CFHR5: variants seen among roughly 807,000 people sequenced by gnomAD.
The protein encoded by CFHR5 is complement factor H-related protein 5.
Under a neutral mutation model 62.9 loss-of-function variants are expected in CFHR5, and 73 were observed. The observed-to-expected ratio is 1.16, with a 90% confidence interval of 0.96 to 1.41. The LOEUF is 1.41. Ranked by LOEUF, CFHR5 falls within the 40% of genes most tolerant of loss-of-function variation. CFHR5 has a pLI of 0.00. For missense variants in CFHR5, 779 were observed against 679.9 expected (o/e 1.15, Z -1.62); for synonymous variants, 249 against 227.2 (o/e 1.10, Z -0.86).
chr1:197,007,612 A>G (rs1487210715), intron 9 of CFHR5, among the ~76,000 whole-genome samples: 1 of 149,712 alleles, frequency 6.7e-6, no homozygotes, highest in Non-Finnish European at 1.5e-5. Context: ...TAATATAAAT[A>G]TATTACATAT....
intron 8 of CFHR5, 38 bp downstream of exon 8, chr1:197,002,702 A>T: frequency 6.6e-7 from 1 of 1,516,036 alleles, no homozygotes; most frequent in Middle Eastern, 1.9e-4. Context: ...ACTTAAAAAG[A>T]GGTTATTAAT....
At chr1:196,976,889 C>G (rs1653408141), upstream of CFHR5, among the ~76,000 whole-genome samples, 1 of 146,318 alleles carries the variant, frequency 6.8e-6, no homozygotes, top group Non-Finnish European at 1.5e-5. Context: ...ACGGCAAGCT[C>G]TGCCTCCCGG....
intron 3 of CFHR5, among the ~76,000 whole-genome samples, chr1:196,987,249 T>A (rs1362534766): frequency 6.6e-6 from 1 of 152,244 alleles, no homozygotes; most frequent in East Asian, 1.9e-4. Flanking sequence ...TCTTTGTAGA[T>A]TCTGGCTATC....
chr1:196,996,101 A>C lies in CFHR5; in HGVS notation c.870A>C (p.Gly290=). The C allele has an allele frequency of 6.2e-7, 1 of 1,613,614 alleles. No homozygotes were observed. The highest frequency in any genetic ancestry group is 8.5e-7 in the Non-Finnish European group (1 of 1,179,576). ...CGTCTGTCCCTCCCTATCAACATGG[A>C]GTTTCAGTCGAGGTGAATTGCAGAA... ...VQPSVPPYQH[G]VSVEVNCRNE... Residue 290 remains glycine, a synonymous_variant, in exon 6 of 10, where the codon GGA becomes GGC. Coordinates refer to ENST00000256785, the MANE Select transcript of CFHR5 (RefSeq NM_030787.4).
At position 197,008,097 on chromosome 1, in the gene CFHR5, G is replaced by T. The variant is rs111854144; in HGVS notation, c.1514-390G>T. ...CATTGTTTTTTCTACAGAAATCAAG[G>T]TTTCACAAAGTTAAGATTCACAAAT... On this transcript the variant is annotated intron_variant, in intron 9 of 9. Transcript: ENST00000256785. Among the ~76,000 whole-genome samples, 676 of 150,136 alleles carry T rather than the reference G, an allele frequency of 4.5e-3. 4 individuals are homozygous for T. Among genetic ancestry groups the T allele is most frequent in the Non-Finnish European group, 6.6e-3 (449 of 67,568 alleles).
At chr1:196,984,889 A>G (rs1402188849) in intron 3 of CFHR5, among the ~76,000 whole-genome samples, 3 of 152,180 alleles carry the variant, frequency 2.0e-5, no homozygotes, top group Non-Finnish European at 4.4e-5. Context: ...AAAGAAGACC[A>G]CTGAGTTCTT....
upstream of CFHR5, among the ~76,000 whole-genome samples, chr1:196,976,898 G>A (rs560708055): frequency 4.1e-5 from 6 of 146,206 alleles, no homozygotes; most frequent in African/African-American, 1.0e-4. Flanking sequence ...TCTGCCTCCC[G>A]GTTTTACGCC....
chr1:196,977,856 C>T (rs1323153719), intron 1 of CFHR5, 134 bp downstream of exon 1: 2 of 739,996 alleles, frequency 2.7e-6, no homozygotes, highest in African/African-American at 1.8e-5. Flanking sequence ...CAATATTCAT[C>T]TATTTTCTGG....
intron 8 of CFHR5, among the ~76,000 whole-genome samples, chr1:197,003,586 C>T (rs1654205377): frequency 6.6e-6 from 1 of 152,110 alleles, no homozygotes; most frequent in African/African-American, 2.4e-5. Flanking sequence ...TAGAGCTGGA[C>T]AAGATGCCTG....
intron 3 of CFHR5, among the ~76,000 whole-genome samples, chr1:196,993,411 C>T (rs1653900135): frequency 6.6e-6 from 1 of 152,116 alleles, no homozygotes. Flanking sequence ...TCACCTGCCT[C>T]AGCCTCCCTA....
intron 1 of CFHR5, among the ~76,000 whole-genome samples, chr1:196,980,560 T>C (rs1417582780): frequency 6.6e-6 from 1 of 151,602 alleles, no homozygotes; most frequent in Non-Finnish European, 1.5e-5. Context: ...AACGTCATTA[T>C]GTGGTAAATG....
At chr1:196,987,813 G>A (rs544358517) in intron 3 of CFHR5, among the ~76,000 whole-genome samples, 157 of 152,274 alleles carry the variant, frequency 1.0e-3, no homozygotes, top group African/African-American at 3.6e-3. Context: ...GATGCCTCCA[G>A]CTTTGTTCTT....
In CFHR5 at chr1:197,002,625, T is replaced by G. The variant is rs756308122; in HGVS notation, c.1291T>G (p.Cys431Gly). The G allele has an allele frequency of 8.7e-6, 14 of 1,613,512 alleles. No homozygotes were observed. Among genetic ancestry groups the G allele is most frequent in the Non-Finnish European group, 1.2e-5 (14 of 1,179,722 alleles). ...YLLPEAKEIV[C>G]KDGRWQSLPR... ...ACTTCCAGAAGCAAAAGAAATTGTATGTAAAGATGGACGATGGCAATCATT... is the reference window on the plus strand; with the variant it reads ...ACTTCCAGAAGCAAAAGAAATTGTAGGTAAAGATGGACGATGGCAATCATT... Residue 431 changes from cysteine (C) to glycine (G), a missense_variant, in exon 8 of 10, where the codon TGT (cysteine) becomes GGT (glycine). Physicochemically the swap from Cys to Gly is radical, Grantham distance 159. Coordinates refer to ENST00000256785, the MANE Select transcript of CFHR5 (RefSeq NM_030787.4).
chr1:196,984,235 A>G (rs1252847026), intron 3 of CFHR5, 98 bp downstream of exon 3: 6 of 1,012,312 alleles, frequency 5.9e-6, no homozygotes, highest in Non-Finnish European at 7.5e-6. Context: ...TTTCACCACT[A>G]CTTCTATCAT....
At chr1:196,975,398 T>C (rs1408918220), upstream of CFHR5, among the ~76,000 whole-genome samples, 1 of 152,176 alleles carries the variant, frequency 6.6e-6, no homozygotes, top group African/African-American at 2.4e-5. Context: ...TTGGTATGTT[T>C]GCATATTGGT....
chr1:196,998,173 A>C lies in CFHR5; in HGVS notation c.1016A>C (p.Lys339Thr). Residue 339 changes from lysine to threonine, a missense_variant, in exon 7 of 10, where the codon AAA (lysine) becomes ACA (threonine). Coordinates refer to ENST00000256785, the MANE Select transcript of CFHR5 (RefSeq NM_030787.4). ...TGCAAAATAGCAGGAGTTAATATAA[A>C]AACATTACTCAAGCTATCTGGGAAA... ...KRCKIAGVNIKTLLKLSGKEF... is the reference protein window; with the variant it reads ...KRCKIAGVNITTLLKLSGKEF... 1 of 1,590,990 alleles carries C rather than the reference A, an allele frequency of 6.3e-7. No individual in the cohort carries two copies. Among genetic ancestry groups the C allele is most frequent in the Non-Finnish European group, 8.6e-7 (1 of 1,167,024 alleles).
intron 6 of CFHR5, among the ~76,000 whole-genome samples, chr1:196,997,737 G>A (rs1334967689): frequency 6.6e-6 from 1 of 152,072 alleles, no homozygotes; most frequent in African/African-American, 2.4e-5. Flanking sequence ...ACTTACCCAT[G>A]TATTGCCTCT....
In CFHR5 at chr1:196,994,128, C is replaced by CAA. The variant is rs565457964; in HGVS notation, c.485_486dup (p.Glu163LysfsTer10). 4.9e-3 allele frequency: 7,915 copies of CAA among 1,612,894 alleles called. 84 individuals carry two copies. Among genetic ancestry groups the CAA allele is most frequent in the Non-Finnish European group, 4.3e-3 (5,042 of 1,179,544 alleles). On this transcript the variant is annotated frameshift_variant, in exon 4 of 10. Transcript: ENST00000256785. LOFTEE classifies it high-confidence loss of function. The stretch of plus-strand genomic sequence containing the variant: ...TTAGAAGCCAATGTAGATGCTCAGC[C>CAA]AAAAAAAGAAAGCTACAAAGTTGGA...
intron 1 of CFHR5, among the ~76,000 whole-genome samples, chr1:196,979,992 G>A (rs1356233528): frequency 6.6e-6 from 1 of 151,710 alleles, no homozygotes; most frequent in Non-Finnish European, 1.5e-5. Flanking sequence ...TCCTTATTCT[G>A]TAAGATTTTT....
Sources: gnomAD v4.1 joint callset for allele counts (sites outside exome capture counted in the v4.1 genomes callset) on GRCh38, gnomAD v4.1.1 for gene constraint, MANE v1.5 for transcripts, NCBI Gene and HGNC (gene_info 2026-07-23, HGNC 2026-07-21) for gene names.